Variants in MS4A14 observed in about 807,000 individuals in gnomAD.
MS4A14 encodes the protein membrane-spanning 4-domains subfamily A member 14.
Under a neutral mutation model 16.7 loss-of-function variants are expected in MS4A14, and 18 were observed. The observed-to-expected ratio is 1.08, with a 90% CI of 0.75 to 1.60. MS4A14 has a LOEUF of 1.60. Ranked by LOEUF, MS4A14 falls within the 40% of genes most tolerant of loss-of-function variation. The probability of loss-of-function intolerance (pLI) is 0.00; values close to 1 mark genes in which losing one functional copy is unlikely to be tolerated. For synonymous variants in MS4A14, 305 were observed against 289.4 expected, an observed-to-expected ratio of 1.05 and a Z score of -0.55; for missense variants, 812 against 775.3, an observed-to-expected ratio of 1.05 and a Z score of -0.56.
In MS4A14 at chr11:60,416,019, A is replaced by T; in HGVS notation, c.1051A>T (p.Thr351Ser). The T allele has an allele frequency of 6.2e-7, 1 of 1,613,850 alleles. No homozygotes were observed. Among genetic ancestry groups the T allele is most frequent in the South Asian group, 1.1e-5 (1 of 91,062 alleles). Residue 351 changes from threonine (T) to serine (S), a missense_variant, in exon 5 of 5, where the codon ACA (threonine) becomes TCA (serine). By Grantham distance (58) the Thr-to-Ser change is moderately conservative. Transcript: ENST00000300187. Reference protein sequence around the residue: ...SSHVKQSSNLTANDLPPQGIL... With the variant: ...SSHVKQSSNLSANDLPPQGIL... ...CCATGTCAAACAGTCTTCTAATCTG[A>T]CAGCTAATGACCTGCCCCCTCAAGG...
In MS4A14 at chr11:60,404,526, T is replaced by G. The variant is rs1159211745; in HGVS notation, c.468+1465T>G. 21 of 456,954 alleles carry G rather than the reference T, an allele frequency of 4.6e-5. No individual in the cohort carries two copies. The Middle Eastern group carries it at 9.8e-4, about 21-fold the overall frequency. 28.3% of individuals were successfully genotyped at this position (456,954 alleles called of 1,614,324 possible). A position where few individuals can be genotyped will look rare whatever the true frequency, so the allele number is the denominator to read the frequency against. ...AACCCTGTAACACCTATCCTACCTA[T>G]CTTTCCAACATTATTCCAGGACTTC... On this transcript the variant is annotated intron_variant, in intron 4 of 4. Coordinates refer to ENST00000300187, the MANE Select transcript of MS4A14 (RefSeq NM_032597.5).
At chr11:60,406,920 T>C (rs1404832266) in intron 4 of MS4A14, among the ~76,000 whole-genome samples, 1 of 150,898 alleles carries the variant, frequency 6.6e-6, no homozygotes, top group Non-Finnish European at 1.5e-5. Context: ...CAGAAATATG[T>C]TTTTGAGAGT....
intron 4 of MS4A14, 149 bp from the exon 5 acceptor site, chr11:60,415,288 G>A (rs527656493): frequency 1.4e-6 from 1 of 729,412 alleles, no homozygotes; most frequent in African/African-American, 1.8e-5. Context: ...TAATGGTAAA[G>A]GCAGGACTGG....
At chr11:60,399,055 A>G (rs147740310) in intron 2 of MS4A14, among the ~76,000 whole-genome samples, 71 of 152,360 alleles carry the variant, frequency 4.7e-4, no homozygotes, top group Middle Eastern at 3.4e-3. Context: ...CGCGTCTTCA[A>G]TGGCATCCTA....
chr11:60,407,939 TTC>T (rs1269878081), intron 4 of MS4A14, among the ~76,000 whole-genome samples: 2 of 152,336 alleles, frequency 1.3e-5, no homozygotes, highest in Middle Eastern at 3.4e-3. Context: ...GGTTTTTGTG[TTC>T]TGTTTAACAG....
At chr11:60,404,866 C>T (rs901053706) in intron 4 of MS4A14, among the ~76,000 whole-genome samples, 2 of 152,190 alleles carry the variant, frequency 1.3e-5, no homozygotes, top group African/African-American at 2.4e-5. Flanking sequence ...TTGTTATTGT[C>T]TGCCTCCCTT....
intron 4 of MS4A14, among the ~76,000 whole-genome samples, chr11:60,411,097 C>T (rs577109852): frequency 2.6e-5 from 4 of 152,298 alleles, no homozygotes; most frequent in Admixed American, 6.5e-5. Flanking sequence ...CCACCCGCCT[C>T]GGCCTCCCAA....
rs193025815 is a variant in MS4A14, at chr11:60,415,817, T to C, written c.849T>C (p.Ile283=). ...AAGATGAAGATCTACAATCTGCTATTGTACAACCTTCTCAAATGCAAACCA... is the reference window on the plus strand; with the variant it reads ...AAGATGAAGATCTACAATCTGCTATCGTACAACCTTCTCAAATGCAAACCA... ...QMKDEDLQSA[I]VQPSQMQTKL... is the part of the protein sequence containing the mutation. The change falls in exon 5 of 5, where the codon ATT becomes ATC. Residue 283 remains isoleucine (I), a synonymous_variant. Transcript: ENST00000300187. 3.8e-5 allele frequency: 61 copies of C among 1,613,966 alleles called. No individual in the cohort carries two copies. The East Asian group carries it at 1.2e-3, about 32-fold the overall frequency.
At chr11:60,414,889 C>T (rs1211026316) in intron 4 of MS4A14, among the ~76,000 whole-genome samples, 2 of 152,054 alleles carry the variant, frequency 1.3e-5, no homozygotes, top group African/African-American at 2.4e-5. Flanking sequence ...TAAATATTGC[C>T]TCTTCTGTAA....
In MS4A14 at chr11:60,397,877, TCA is replaced by T. The variant is rs751064169; in HGVS notation, c.165_166del (p.Ile56CysfsTer10). Reference sequence around the variant, plus strand: ...GCTACCCAGATCCTGCTTGCTCTAATCATTGTGGGCTTTGGAACTATATTTGC... The same window carrying T: ...GCTACCCAGATCCTGCTTGCTCTAATTTGTGGGCTTTGGAACTATATTTGC... On this transcript the variant is annotated frameshift_variant, in exon 2 of 5. Coordinates refer to ENST00000300187, the MANE Select transcript of MS4A14 (RefSeq NM_032597.5). LOFTEE classifies it high-confidence loss of function. The T allele has an allele frequency of 1.9e-6, 3 of 1,547,206 alleles. No homozygotes were observed. The African/African-American group carries it at 4.7e-5, about 24-fold the overall frequency.
At chr11:60,400,668 G>T (rs541232384) in intron 3 of MS4A14, among the ~76,000 whole-genome samples, 10 of 152,088 alleles carry the variant, frequency 6.6e-5, no homozygotes, top group Admixed American at 1.3e-4. Context: ...TAAAAGAGTT[G>T]TTTATTGGAA....
chr11:60,408,492 C>A (rs940627151), intron 4 of MS4A14, among the ~76,000 whole-genome samples: 1 of 152,146 alleles, frequency 6.6e-6, no homozygotes, highest in Admixed American at 6.5e-5. Flanking sequence ...CTGGTACCCT[C>A]TATCCTACTT....
intron 4 of MS4A14, among the ~76,000 whole-genome samples, chr11:60,407,791 C>A (rs1267162802): frequency 3.0e-4 from 45 of 151,236 alleles, no homozygotes; most frequent in Non-Finnish European, 1.0e-4. Context: ...GGCCTTATAG[C>A]AGCCTAATTA....
At chr11:60,403,542 T>C (rs2085745497) in intron 4 of MS4A14, among the ~76,000 whole-genome samples, 1 of 152,172 alleles carries the variant, frequency 6.6e-6, no homozygotes, top group Non-Finnish European at 1.5e-5. Context: ...TTAGAAGTCA[T>C]TTAAAAAAAT....
intron 4 of MS4A14, among the ~76,000 whole-genome samples, chr11:60,409,508 T>C (rs1326614927): frequency 6.6e-6 from 1 of 151,296 alleles, no homozygotes; most frequent in Non-Finnish European, 1.5e-5. Context: ...ACATTCTGTT[T>C]TATGGCTGAA....
Position 60,416,854 on chromosome 11 carries a change from A to G in MS4A14, c.1886A>G (p.Gln629Arg), listed in dbSNP as rs1475680789. 2.5e-6 allele frequency: 4 copies of G among 1,613,848 alleles called. No homozygotes were observed. Among genetic ancestry groups the G allele is most frequent in the Non-Finnish European group, 3.4e-6 (4 of 1,179,846 alleles). The stretch of plus-strand genomic sequence containing the variant: ...TTCCAAAATGTTCAAGCCGAAGGAC[A>G]GCAAGCTCAGGTGGAGAAAGTGCCA... ...GQFQNVQAEG[Q>R]QAQVEKVPKL... Residue 629 changes from glutamine to arginine, a missense_variant, in exon 5 of 5, where the codon CAG (glutamine) becomes CGG (arginine). Gln to Arg is a conservative substitution (Grantham distance 43). Coordinates refer to ENST00000300187, the MANE Select transcript of MS4A14 (RefSeq NM_032597.5).
chr11:60,397,659 T>C (rs2085646651), intron 1 of MS4A14, among the ~76,000 whole-genome samples, 193 bp from the exon 2 acceptor site: 1 of 152,052 alleles, frequency 6.6e-6, no homozygotes, highest in East Asian at 1.9e-4. Flanking sequence ...ACCTGAAGGA[T>C]CCAGGCAAGC....
intron 4 of MS4A14, among the ~76,000 whole-genome samples, chr11:60,409,101 A>T (rs1011159498): frequency 6.6e-6 from 1 of 152,214 alleles, no homozygotes; most frequent in Non-Finnish European, 1.5e-5. Context: ...TGATCAAATC[A>T]TGGTAATTAC....
chr11:60,403,206 T>C (rs566231688), intron 4 of MS4A14, 145 bp downstream of exon 4: 7 of 856,494 alleles, frequency 8.2e-6, no homozygotes, highest in Admixed American at 7.6e-5. Flanking sequence ...ATGGGGTTAC[T>C]GTTACAATGG....
Sources: gnomAD v4.1 joint callset for allele counts (sites outside exome capture counted in the v4.1 genomes callset) on GRCh38, gnomAD v4.1.1 for gene constraint, MANE v1.5 for transcripts, NCBI Gene and HGNC (gene_info 2026-07-23, HGNC 2026-07-21) for gene names.